The following KIAA0319 variants were observed in gnomAD, a reference collection of about 807,000 sequenced individuals.
KIAA0319 encodes KIAA0319.
In KIAA0319, 83 loss-of-function variants were observed where a neutral mutation model predicts 108.4. The ratio of observed to expected loss-of-function variants is 0.77; its 90% CI spans 0.64 to 0.92. The LOEUF (loss-of-function observed/expected upper bound fraction) is 0.92. Ranked by LOEUF, KIAA0319 falls within the 40% of genes least tolerant of loss-of-function variation. KIAA0319 has a pLI of 0.00. For missense variants in KIAA0319, 1,195 were observed against 1,322.4 expected, an observed-to-expected ratio of 0.90 and a Z score of 1.49; for synonymous variants, 484 against 510.4, an observed-to-expected ratio of 0.95 and a Z score of 0.70.
At chr6:24,603,208 T>G (rs1770901550) in intron 1 of KIAA0319, among the ~76,000 whole-genome samples, 1 of 152,210 alleles carries the variant, frequency 6.6e-6, no homozygotes, top group African/African-American at 2.4e-5. Context: ...TGCCTGGTAC[T>G]TTCTCAGTGT....
At chr6:24,610,028 A>G (rs1257827237) in intron 1 of KIAA0319, among the ~76,000 whole-genome samples, 2 of 152,194 alleles carry the variant, frequency 1.3e-5, no homozygotes, top group African/African-American at 4.8e-5. Flanking sequence ...TTGATTATGC[A>G]ATGGTTTCTT....
chr6:24,599,891 C>G lies in KIAA0319; in HGVS notation c.55+1158G>C, dbSNP rs2127532169. 1 of 338,210 alleles carries G rather than the reference C, an allele frequency of 3.0e-6. No individual in the cohort carries two copies. Among genetic ancestry groups the G allele is most frequent in the South Asian group, 2.9e-5 (1 of 34,070 alleles). The allele number at this position is 338,210 out of a possible 1,614,324, so 21.0% of individuals were successfully genotyped here. ...GGAGCATAGGGAACAGGAGACCCAC[C>G]TGAGGCTCAGCGCTCGCCCTCAGCC... On this transcript the variant is annotated intron_variant, in intron 2 of 20. Transcript: ENST00000378214. The surrounding 1 kb of genome is among the most constrained non-coding windows in gnomAD (Gnocchi z 4.1).
chr6:24,642,058 A>AGGGGG (rs1776990656), intron 1 of KIAA0319, among the ~76,000 whole-genome samples: 1 of 36,602 alleles, frequency 2.7e-5, no homozygotes, highest in Non-Finnish European at 5.2e-5. Context: ...AGGGGAGGGG[A>AGGGGG]GGGGAGGGGA....
At chr6:24,571,196 GA>G (rs376462056) in intron 11 of KIAA0319, among the ~76,000 whole-genome samples, 3,147 of 140,220 alleles carry the variant, frequency 0.022, 101 homozygotes, top group African/African-American at 0.074. Flanking sequence ...TGTCTCGAGG[GA>G]AAAAAAAAAA....
At chr6:24,582,554 G>C (rs1239375051) in intron 5 of KIAA0319, among the ~76,000 whole-genome samples, 3 of 146,246 alleles carry the variant, frequency 2.1e-5, no homozygotes, top group Non-Finnish European at 4.5e-5. Flanking sequence ...TTATGAACTT[G>C]ACTTTCAACT....
chr6:24,573,515 G>T (rs558227588), intron 10 of KIAA0319, among the ~76,000 whole-genome samples: 171 of 152,242 alleles, frequency 1.1e-3, no homozygotes, highest in Non-Finnish European at 9.7e-4. Context: ...AAAGAAAGTT[G>T]GGTCGCATTC....
chr6:24,640,051 A>G (rs1776722560), intron 1 of KIAA0319, among the ~76,000 whole-genome samples: 1 of 130,680 alleles, frequency 7.7e-6, no homozygotes, highest in Admixed American at 8.0e-5. Context: ...ATTTATTTAG[A>G]TTTTTGTGAG....
At chr6:24,541,751 T>C (rs1760200883), downstream of KIAA0319, among the ~76,000 whole-genome samples, 1 of 152,148 alleles carries the variant, frequency 6.6e-6, no homozygotes, top group African/African-American at 2.4e-5. Flanking sequence ...TGAGCCAAGA[T>C]CATGCCACTG....
At chr6:24,572,407 T>C (rs1246930073) in intron 11 of KIAA0319, among the ~76,000 whole-genome samples, 168 bp downstream of exon 11, 2 of 152,230 alleles carry the variant, frequency 1.3e-5, no homozygotes, top group African/African-American at 4.8e-5. Flanking sequence ...CTTCATGCCA[T>C]AGTTTACAGT....
At chr6:24,588,498 C>T in intron 4 of KIAA0319, 95 bp downstream of exon 4, 1 of 991,050 alleles carries the variant, frequency 1.0e-6, no homozygotes, top group East Asian at 2.4e-5. Flanking sequence ...GAAAAATGTG[C>T]CTGGAGGGAA....
At position 24,599,181 on chromosome 6, in the gene KIAA0319, G is replaced by A. The variant is rs187618095; in HGVS notation, c.55+1868C>T. On this transcript the variant is annotated intron_variant, in intron 2 of 20. Transcript: ENST00000378214. This position sits in a 1 kb window ranked among gnomAD's most constrained non-coding sequence, Gnocchi z 4.1. Reference sequence around the variant, plus strand: ...GGAGATCACCAACTGTAGCCAGGCCGGGGCTGACAGCCTGTACCAGGTCAA... The same window carrying A: ...GGAGATCACCAACTGTAGCCAGGCCAGGGCTGACAGCCTGTACCAGGTCAA... 30 of 553,862 alleles carry A rather than the reference G, an allele frequency of 5.4e-5. No homozygotes were observed. Among genetic ancestry groups the A allele is most frequent in the East Asian group, 3.4e-4 (11 of 32,508 alleles). The allele number at this position is 553,862 out of a possible 1,614,324, so 34.3% of individuals were successfully genotyped here. A position where few individuals can be genotyped will look rare whatever the true frequency, so the allele number is the denominator to read the frequency against.
intron 1 of KIAA0319, among the ~76,000 whole-genome samples, chr6:24,643,333 A>C (rs921493181): frequency 1.3e-5 from 2 of 152,186 alleles, no homozygotes; most frequent in Non-Finnish European, 2.9e-5. Flanking sequence ...AATAACCTAC[A>C]CTATTCGGGT....
At chr6:24,591,726 T>C (rs1038231454) in intron 3 of KIAA0319, among the ~76,000 whole-genome samples, 1 of 152,206 alleles carries the variant, frequency 6.6e-6, no homozygotes, top group African/African-American at 2.4e-5. Context: ...GATTTTATTC[T>C]AGCCATCTAG....
chr6:24,629,241 C>A (rs756217635), intron 1 of KIAA0319, among the ~76,000 whole-genome samples: 4 of 152,018 alleles, frequency 2.6e-5, no homozygotes, highest in Non-Finnish European at 5.9e-5. Context: ...GACAGTCCAG[C>A]GTGGTGGCTC....
intron 12 of KIAA0319, among the ~76,000 whole-genome samples, chr6:24,569,684 G>T (rs1764398860): frequency 6.6e-6 from 1 of 152,128 alleles, no homozygotes; most frequent in African/African-American, 2.4e-5. Context: ...AGACAGCCCT[G>T]TTCAACTGCC....
At chr6:24,543,695 G>GT (rs1760297762), downstream of KIAA0319, among the ~76,000 whole-genome samples, 1 of 152,198 alleles carries the variant, frequency 6.6e-6, no homozygotes, top group African/African-American at 2.4e-5. Flanking sequence ...GCCTTCCAAA[G>GT]TGCTGGGATT....
At chr6:24,583,579 T>C (rs1296586673) in intron 5 of KIAA0319, 25 bp downstream of exon 5, 1 of 1,516,058 alleles carries the variant, frequency 6.6e-7, no homozygotes, top group East Asian at 2.3e-5. Flanking sequence ...TTCCTAGTGG[T>C]CAGGGAGGAA....
chr6:24,541,325 T>C (rs1281633756), downstream of KIAA0319, among the ~76,000 whole-genome samples: 3 of 152,214 alleles, frequency 2.0e-5, no homozygotes, highest in Non-Finnish European at 4.4e-5. Context: ...GATGTCTCTC[T>C]GCAGGTCCTA....
chr6:24,549,109 G>A (rs1004274899), intron 20 of KIAA0319, among the ~76,000 whole-genome samples: 1 of 151,778 alleles, frequency 6.6e-6, no homozygotes, highest in African/African-American at 2.4e-5. Flanking sequence ...ATCACTTGAC[G>A]TCAGGAGTTC....
Sources: allele counts gnomAD v4.1 joint callset (sites outside exome capture counted in the v4.1 genomes callset), GRCh38; gene constraint gnomAD v4.1.1; non-coding constraint Gnocchi (gnomAD v3.1); transcripts MANE v1.5; gene names NCBI Gene and HGNC (gene_info 2026-07-23, HGNC 2026-07-21).